Variants in NMNAT2 observed in about 807,000 individuals in gnomAD.
The protein encoded by NMNAT2 is nicotinamide/nicotinic acid mononucleotide adenylyltransferase 2.
A neutral mutation model predicts 41.6 loss-of-function variants in NMNAT2; 11 were observed. The ratio of observed to expected loss-of-function variants is 0.26; its 90% CI spans 0.17 to 0.44. NMNAT2 has a LOEUF of 0.44. NMNAT2 is among the 20% of genes least tolerant of loss of function. NMNAT2 has a pLI of 1.00. For missense variants in NMNAT2, 288 were observed against 407.7 expected (o/e 0.71, Z 2.53); for synonymous variants, 148 against 151.2 (o/e 0.98, Z 0.16).
chr1:183,323,724 C>T (rs551619425), intron 1 of NMNAT2, among the ~76,000 whole-genome samples: 88 of 152,300 alleles, frequency 5.8e-4, no homozygotes, highest in African/African-American at 2.0e-3. Context: ...ATCTTCCTTA[C>T]AACCTTCCCC....
intron 1 of NMNAT2, among the ~76,000 whole-genome samples, chr1:183,411,852 T>G (rs556411240): frequency 1.1e-4 from 17 of 152,166 alleles, no homozygotes; most frequent in African/African-American, 3.6e-4. Flanking sequence ...CAATTTTAAA[T>G]TATGTGATCA....
At chr1:183,295,048 G>A (rs1358410553) in intron 1 of NMNAT2, among the ~76,000 whole-genome samples, 2 of 152,098 alleles carry the variant, frequency 1.3e-5, no homozygotes, top group African/African-American at 4.8e-5. Context: ...CTGTCACTTA[G>A]GCTGCAGTGC....
chr1:183,298,653 A>C (rs1039262043), intron 1 of NMNAT2, among the ~76,000 whole-genome samples: 1 of 152,212 alleles, frequency 6.6e-6, no homozygotes, highest in African/African-American at 2.4e-5. Context: ...CTGTGAACAC[A>C]GGAACATATA....
At chr1:183,377,400 G>A (rs1285514215) in intron 1 of NMNAT2, among the ~76,000 whole-genome samples, 1 of 152,024 alleles carries the variant, frequency 6.6e-6, no homozygotes, top group Non-Finnish European at 1.5e-5. Flanking sequence ...TTCTGTCCTG[G>A]GAGCAGTGCA....
At chr1:183,294,736 G>A (rs916402902) in intron 1 of NMNAT2, among the ~76,000 whole-genome samples, 25 of 152,108 alleles carry the variant, frequency 1.6e-4, no homozygotes, top group Non-Finnish European at 2.9e-5. Flanking sequence ...ATTGCAGTGA[G>A]CTGAGATCGT....
intron 1 of NMNAT2, among the ~76,000 whole-genome samples, chr1:183,311,364 G>T (rs1662114617): frequency 6.6e-6 from 1 of 152,102 alleles, no homozygotes; most frequent in Non-Finnish European, 1.5e-5. Flanking sequence ...AACTGTGAGG[G>T]AATAATTCAG....
intron 1 of NMNAT2, among the ~76,000 whole-genome samples, chr1:183,371,333 G>A (rs1216544929): frequency 6.6e-6 from 1 of 152,208 alleles, no homozygotes; most frequent in Non-Finnish European, 1.5e-5. Flanking sequence ...AGGATGGGCA[G>A]GCAGAGCACA....
chr1:183,358,798 C>T (rs985965454), intron 1 of NMNAT2, among the ~76,000 whole-genome samples: 6 of 152,188 alleles, frequency 3.9e-5, no homozygotes, highest in African/African-American at 1.4e-4. Context: ...GCCTTCCCAC[C>T]TTCCTCTCCT....
intron 1 of NMNAT2, among the ~76,000 whole-genome samples, chr1:183,398,151 A>G (rs1019170417): frequency 1.3e-5 from 2 of 152,170 alleles, no homozygotes; most frequent in African/African-American, 4.8e-5. Context: ...TCAGTGTGCC[A>G]TATTCAGGAG....
chr1:183,274,315 A>G (rs913886412), intron 8 of NMNAT2, among the ~76,000 whole-genome samples: 11 of 151,464 alleles, frequency 7.3e-5, no homozygotes, highest in African/African-American at 2.7e-4. Flanking sequence ...TTTATTTGTT[A>G]TTTATTTATT....
At chr1:183,253,628 C>CT (rs978446858) in intron 10 of NMNAT2, among the ~76,000 whole-genome samples, 34 of 151,774 alleles carry the variant, frequency 2.2e-4, no homozygotes, top group African/African-American at 8.0e-4. Context: ...GTTTTATTCT[C>CT]TATCTGTATG....
At chr1:183,346,676 T>C (rs1430765458) in intron 1 of NMNAT2, among the ~76,000 whole-genome samples, 1 of 152,196 alleles carries the variant, frequency 6.6e-6, no homozygotes, top group Non-Finnish European at 1.5e-5. Context: ...AACCTTCTTT[T>C]TGTTTTCTGT....
At chr1:183,382,777 C>G (rs1342806295) in intron 1 of NMNAT2, among the ~76,000 whole-genome samples, 1 of 152,190 alleles carries the variant, frequency 6.6e-6, no homozygotes, top group Non-Finnish European at 1.5e-5. Flanking sequence ...GGCAGGCTTC[C>G]AAGGCCTTGG....
rs1345580958 is a variant in NMNAT2 at position 183,250,674 on chromosome 1, G to T, written c.*1967C>A. 6.6e-6 allele frequency: 1 copy of T among 152,504 alleles called. No individual in the cohort carries two copies. Among genetic ancestry groups the T allele is most frequent in the Non-Finnish European group, 1.5e-5 (1 of 68,016 alleles). The allele number at this position is 152,504 out of a possible 1,614,324, so 9.4% of individuals were successfully genotyped here. On this transcript the variant is annotated 3_prime_UTR_variant, in exon 11 of 11. Coordinates refer to ENST00000287713, the MANE Select transcript of NMNAT2 (RefSeq NM_015039.4). ...AGTGTTGGATCAACTGAACTCTAAA[G>T]TTTTTTTCAGTTTATTATTTCATGA...
chr1:183,295,383 GAAT>G (rs2102311520), intron 1 of NMNAT2, among the ~76,000 whole-genome samples: 1 of 152,148 alleles, frequency 6.6e-6, no homozygotes, highest in South Asian at 2.1e-4. Flanking sequence ...TAGATTTACA[GAAT>G]AATTGAGCAG....
intron 1 of NMNAT2, among the ~76,000 whole-genome samples, chr1:183,334,696 G>T (rs1202501456): frequency 6.6e-6 from 1 of 150,586 alleles, no homozygotes; most frequent in African/African-American, 2.4e-5. Flanking sequence ...TTTTAGTGGA[G>T]ATGGGGTTTC....
In NMNAT2 at chr1:183,251,515, G is replaced by GT. The variant is rs779063098; in HGVS notation, c.*1125dup. The GT allele has an allele frequency of 1.7e-4, 26 of 152,020 alleles. No individual in the cohort carries two copies. Among genetic ancestry groups the GT allele is most frequent in the East Asian group, 3.9e-4 (2 of 5,186 alleles). The allele number at this position is 152,020 out of a possible 1,614,324, so 9.4% of individuals were successfully genotyped here. On this transcript the variant is annotated 3_prime_UTR_variant, in exon 11 of 11. Coordinates refer to ENST00000287713, the MANE Select transcript of NMNAT2 (RefSeq NM_015039.4). ...TCCTAGTGTTTTTTTGTTTTGTTTT[G>GT]TTTTTTTATGACACGACTGCACGAT...
At chr1:183,396,552 A>G (rs902064664) in intron 1 of NMNAT2, among the ~76,000 whole-genome samples, 10 of 152,132 alleles carry the variant, frequency 6.6e-5, no homozygotes, top group Admixed American at 3.3e-4. Context: ...TAGCGTGTAT[A>G]TAACTCCAGT....
chr1:183,387,773 A>T (rs1431204545), intron 1 of NMNAT2, among the ~76,000 whole-genome samples: 1 of 152,144 alleles, frequency 6.6e-6, no homozygotes, highest in Non-Finnish European at 1.5e-5. Flanking sequence ...ATACCACTTC[A>T]TTGGTGTTTT....
Sources: gnomAD v4.1 joint callset for allele counts (sites outside exome capture counted in the v4.1 genomes callset) on GRCh38, gnomAD v4.1.1 for gene constraint, MANE v1.5 for transcripts, NCBI Gene and HGNC (gene_info 2026-07-23, HGNC 2026-07-21) for gene names.